MIB2: variants seen among roughly 807,000 people sequenced by gnomAD.
MIB2 encodes E3 ubiquitin-protein ligase MIB2.
MIB2 carries 78 observed loss-of-function variants against 96.6 expected under a neutral mutation model. That is an observed-to-expected ratio of 0.81 (90% confidence interval 0.67 to 0.97). The LOEUF (loss-of-function observed/expected upper bound fraction) is 0.97. Ranked by LOEUF, MIB2 falls within the 50% of genes least tolerant of loss-of-function variation. The pLI, the probability that MIB2 is intolerant of heterozygous loss-of-function variation, is 0.00. For synonymous variants in MIB2, 820 were observed against 629.5 expected, an observed-to-expected ratio of 1.30 and a Z score of -4.53; for missense variants, 1,543 against 1,424.0, an observed-to-expected ratio of 1.08 and a Z score of -1.35.
chr1:1,623,488 C>A lies in MIB2; in HGVS notation c.36C>A (p.Gly12=). 6.3e-7 allele frequency: 1 copy of A among 1,580,656 alleles called. No individual in the cohort carries two copies. The highest frequency in any genetic ancestry group is 1.2e-5 in the South Asian group (1 of 86,828). Reference sequence around the variant, plus strand: ...ACCCCCAGGCGGGCGTGCAGGTGGGCATGCGGGTGGTGCGCGGCGTGGACT... The same window carrying A: ...ACCCCCAGGCGGGCGTGCAGGTGGGAATGCGGGTGGTGCGCGGCGTGGACT... The part of the protein sequence containing the change: ...DPDPQAGVQV[G]MRVVRGVDWK... Residue 12 remains glycine (G), a synonymous_variant, in exon 3 of 20, where the codon GGC becomes GGA. Transcript: ENST00000355826.
intron 1 of MIB2, chr1:1,616,226 C>T (rs1274305549): frequency 1.8e-6 from 1 of 542,072 alleles, no homozygotes; most frequent in East Asian, 1.2e-4. Context: ...CGCCCCTGGC[C>T]CGCCCGTTCC....
chr1:1,621,869 GC>G (rs1179068611), intron 2 of MIB2, among the ~76,000 whole-genome samples: 1 of 152,256 alleles, frequency 6.6e-6, no homozygotes, highest in Non-Finnish European at 1.5e-5. Flanking sequence ...CCGGAGTGGG[GC>G]TGGGCTCCTC....
Position 1,629,553 on chromosome 1 carries a change from C to A in MIB2, c.2550C>A (p.Arg850=). 2 of 1,555,648 alleles carry A rather than the reference C, an allele frequency of 1.3e-6. No individual in the cohort carries two copies. Among genetic ancestry groups the A allele is most frequent in the Non-Finnish European group, 8.7e-7 (1 of 1,153,958 alleles). The change falls in exon 18 of 20, where the codon CGC becomes CGA. Residue 850 remains arginine (R), a synonymous_variant. Coordinates refer to ENST00000355826, the MANE Select transcript of MIB2 (RefSeq NM_001170687.4). ...TGCTGTTCTCGCCGTGCCAGCACCG[C>A]ACCGTGTGTGAGGGTGAGTGGGGGG... ...LLVLFSPCQH[R]TVCEECARRM... is the part of the protein sequence containing the mutation.
In MIB2 at chr1:1,616,632, C is replaced by T; in HGVS notation, c.-23+18C>T. On this transcript the variant is annotated intron_variant, in intron 2 of 19. Transcript: ENST00000355826. Reference sequence around the variant, plus strand: ...CCGGACAGGTGAGCTCTTGATCGTCCGCGGCCTGATAGTTTGCACTTGGCT... The same window carrying T: ...CCGGACAGGTGAGCTCTTGATCGTCTGCGGCCTGATAGTTTGCACTTGGCT... The T allele has an allele frequency of 3.2e-6, 5 of 1,562,950 alleles. No individual in the cohort carries two copies. Among genetic ancestry groups the T allele is most frequent in the Middle Eastern group, 1.7e-4 (1 of 5,990 alleles).
chr1:1,627,991 C>A (rs1405141137), intron 13 of MIB2, 28 bp from the exon 14 acceptor site: 3 of 1,611,084 alleles, frequency 1.9e-6, no homozygotes, highest in African/African-American at 2.7e-5. Flanking sequence ...AAGTCACCCC[C>A]AGGTGACCAC....
chr1:1,614,657 G>A (rs190019105), upstream of MIB2: 93 of 152,372 alleles, frequency 6.1e-4, no homozygotes, highest in African/African-American at 2.2e-3. Context: ...ACCACGTGAG[G>A]GGTGCAGCGG....
rs745958213 is a variant in MIB2, at chr1:1,627,828, C to A, written c.1679C>A (p.Pro560His). The A allele has an allele frequency of 6.3e-7, 1 of 1,593,212 alleles. No homozygotes were observed. The highest frequency in any genetic ancestry group is 1.7e-5 in the Admixed American group (1 of 59,578). The change falls in exon 13 of 20, where the codon CCC (proline) becomes CAC (histidine). Residue 560 changes from proline to histidine, a missense_variant and splice_region_variant. By Grantham distance (77) the Pro-to-His change is moderately conservative. Coordinates refer to ENST00000355826, the MANE Select transcript of MIB2 (RefSeq NM_001170687.4). ...LCERGCDVNL[P>H]DAHSDTPLHS... ...GAGCGCGGCTGTGACGTCAACCTGC[C>A]CGTGAGTGCTGCTCCCTGGCCTGGG...
At chr1:1,615,322 A>G (rs4648611), upstream of MIB2, 933,955 of 1,387,100 alleles carry the variant, frequency 0.67, 322,557 homozygotes, top group Non-Finnish European at 0.71. Context: ...GTGCGTCTCT[A>G]GGACCGCCAC....
chr1:1,624,910 A>G lies in MIB2; in HGVS notation c.526+9A>G. On this transcript the variant is annotated intron_variant, in intron 5 of 19. Transcript: ENST00000355826. ...GTGGGGCTCACAGGATGGTGAGTGG[A>G]GGCAGAGGGGCGGGGTCAGGGCTGG... 6.2e-7 allele frequency: 1 copy of G among 1,611,592 alleles called. No homozygotes were observed. The highest frequency in any genetic ancestry group is 8.5e-7 in the Non-Finnish European group (1 of 1,179,100).
In MIB2 at chr1:1,630,604, G is replaced by C; in HGVS notation, c.*74G>C. 7.9e-7 allele frequency: 1 copy of C among 1,260,452 alleles called. No homozygotes were observed. The allele number at this position is 1,260,452 out of a possible 1,614,324, so 78.1% of individuals were successfully genotyped here. On this transcript the variant is annotated 3_prime_UTR_variant, in exon 20 of 20. Transcript: ENST00000355826. Reference sequence around the variant, plus strand: ...TGTTTTATAAAAAGAAAGATTCTCGGACGTTGCCTCTGCTGTCTGCCTGGG... The same window carrying C: ...TGTTTTATAAAAAGAAAGATTCTCGCACGTTGCCTCTGCTGTCTGCCTGGG...
chr1:1,619,498 A>T (rs1341853322), intron 2 of MIB2, among the ~76,000 whole-genome samples: 1 of 152,244 alleles, frequency 6.6e-6, no homozygotes, highest in Admixed American at 6.5e-5. Flanking sequence ...GCGGGCAGGC[A>T]TGGCTGGAGA....
Position 1,627,787 on chromosome 1 carries a change from G to T in MIB2, c.1638G>T (p.Val546=). The T allele has an allele frequency of 6.3e-7, 1 of 1,598,686 alleles. No homozygotes were observed. The highest frequency in any genetic ancestry group is 2.2e-5 in the East Asian group (1 of 44,812). Residue 546 remains valine, a synonymous_variant, in exon 13 of 20, where the codon GTG becomes GTT. Coordinates refer to ENST00000355826, the MANE Select transcript of MIB2 (RefSeq NM_001170687.4). The part of the protein sequence containing the change: ...HVAVQRGFLE[V]VRALCERGCD... ...CCGTGCAGAGGGGCTTCCTGGAGGT[G>T]GTGCGGGCCCTGTGTGAGCGCGGCT...
rs758253198 is a variant in MIB2 at position 1,624,824 on chromosome 1, C to T, written c.449C>T (p.Pro150Leu). ...ACACTGAGTCCCCGCCAGGGCCTCC[C>T]GAGGATCCCACTAAGGGGCATCTTC... ...PVTLSPRQGLPRIPLRGIFQG... is the reference protein window; with the variant it reads ...PVTLSPRQGLLRIPLRGIFQG... Residue 150 changes from proline (P) to leucine (L), a missense_variant, in exon 5 of 20, where the codon CCG (proline) becomes CTG (leucine). Physicochemically the swap from Pro to Leu is moderately conservative, Grantham distance 98 (BLOSUM62 -3). Coordinates refer to ENST00000355826, the MANE Select transcript of MIB2 (RefSeq NM_001170687.4). The T allele has an allele frequency of 6.2e-6, 10 of 1,613,032 alleles. No homozygotes were observed. In the Admixed American group the frequency reaches 6.7e-5, roughly 11 times the overall value.
At position 1,624,976 on chromosome 1, in the gene MIB2, G is replaced by C. The variant is rs1435767270; in HGVS notation, c.527-15G>C. On this transcript the variant is annotated splice_polypyrimidine_tract_variant and intron_variant, in intron 5 of 19. Transcript: ENST00000355826. ...TGGCTCAGCCTTAGCCTGCTGGGGG[G>C]GCCTCTTTCCCCAGGAGGGGAAGGG... 6.2e-7 allele frequency: 1 copy of C among 1,608,676 alleles called. No homozygotes were observed. The highest frequency in any genetic ancestry group is 8.5e-7 in the Non-Finnish European group (1 of 1,177,204).
rs1437322623 is a variant in MIB2 at position 1,616,579 on chromosome 1, C to T, written c.-58C>T. 2 of 1,603,210 alleles carry T rather than the reference C, an allele frequency of 1.2e-6. No individual in the cohort carries two copies. Among genetic ancestry groups the T allele is most frequent in the Admixed American group, 3.4e-5 (2 of 59,246 alleles). ...CATCAGGGCTGCAGCCCAGGAGCCT[C>T]AAGGCGGCCCGGCGGGCGACTGGAC... On this transcript the variant is annotated 5_prime_UTR_variant, in exon 2 of 20. Transcript: ENST00000355826.
In MIB2 at chr1:1,630,456, C is replaced by G; in HGVS notation, c.2794C>G (p.Pro932Ala). The G allele has an allele frequency of 6.3e-7, 1 of 1,593,056 alleles. No homozygotes were observed. Among genetic ancestry groups the G allele is most frequent in the Non-Finnish European group, 8.5e-7 (1 of 1,173,166 alleles). Reference sequence around the variant, plus strand: ...CCAGTGCGGCCACGGCGCATGCGCCCCCTGCGGCTCCGCGCTCAGCGCCTG... The same window carrying G: ...CCAGTGCGGCCACGGCGCATGCGCCGCCTGCGGCTCCGCGCTCAGCGCCTG... The part of the protein sequence containing the change: ...VFQCGHGACA[P>A]CGSALSACPI... The change falls in exon 20 of 20, where the codon CCC becomes GCC. Residue 932 changes from proline to alanine, a missense_variant. By Grantham distance (27) the Pro-to-Ala change is conservative. Transcript: ENST00000355826.
rs778155856 is a variant in MIB2, at chr1:1,628,566, G to C, written c.2046G>C (p.Gly682=). ...LHLAVQQAHV[G]LVPLLVDAGC... ...TCGCCGTGCAACAGGCCCACGTGGG[G>C]CTGGTGCCGCTACTGGTGGACGCTG... The change falls in exon 16 of 20, where the codon GGG becomes GGC. Residue 682 remains glycine (G), a synonymous_variant. Transcript: ENST00000355826. 6.2e-7 allele frequency: 1 copy of C among 1,600,978 alleles called. No homozygotes were observed. The highest frequency in any genetic ancestry group is 8.5e-7 in the Non-Finnish European group (1 of 1,178,404).
Position 1,615,774 on chromosome 1 carries a change from A to G in MIB2, c.-130+141A>G, listed in dbSNP as rs989852407. On this transcript the variant is annotated intron_variant, in intron 1 of 19. Transcript: ENST00000355826. ...GGGCTGGACTCGGCGTAGGGTCCGC[A>G]CGGGATGGGCTGGGGCTGCGCGCGC... 132 of 1,401,394 alleles carry G rather than the reference A, an allele frequency of 9.4e-5. No individual in the cohort carries two copies. The East Asian group carries it at 3.8e-3, about 40-fold the overall frequency. The allele number at this position is 1,401,394 out of a possible 1,614,324, so 86.8% of individuals were successfully genotyped here. A position where few individuals can be genotyped will look rare whatever the true frequency, so the allele number is the denominator to read the frequency against.
intron 2 of MIB2, chr1:1,617,974 C>A (rs1049719050): frequency 4.6e-5 from 7 of 152,280 alleles, no homozygotes; most frequent in Non-Finnish European, 7.3e-5. Context: ...GAAGCGGAAG[C>A]CTGGGCTGTA....
Sources: allele counts gnomAD v4.1 joint callset (sites outside exome capture counted in the v4.1 genomes callset), GRCh38; gene constraint gnomAD v4.1.1; transcripts MANE v1.5; gene names NCBI Gene and HGNC (gene_info 2026-07-23, HGNC 2026-07-21).